Variants in OR5H14 observed in about 807,000 individuals in gnomAD.
The protein encoded by OR5H14 is olfactory receptor family 5 subfamily H member 14.
For missense variants in OR5H14, 392 were observed against 363.9 expected (o/e 1.08, Z -0.63); for synonymous variants, 155 against 130.6 (o/e 1.19, Z -1.28).
rs1708490782 is a variant in OR5H14, at chr3:98,150,499, T to A, written c.*181T>A. 2.3e-6 allele frequency: 1 copy of A among 437,086 alleles called. No homozygotes were observed. The highest frequency in any genetic ancestry group is 3.4e-5 in the East Asian group (1 of 29,402). The allele number at this position is 437,086 out of a possible 1,614,324, so 27.1% of individuals were successfully genotyped here. A position where few individuals can be genotyped will look rare whatever the true frequency, so the allele number is the denominator to read the frequency against. Reference sequence around the variant, plus strand: ...ATATTCCTATGTTATTCAAAAGGATTTGAGAAATTTTAATCAAGTCTTCAT... The same window carrying A: ...ATATTCCTATGTTATTCAAAAGGATATGAGAAATTTTAATCAAGTCTTCAT... On this transcript the variant is annotated 3_prime_UTR_variant, in exon 2 of 2. Coordinates refer to ENST00000641380, the MANE Select transcript of OR5H14 (RefSeq NM_001005514.2).
rs1198176015 is a variant in OR5H14 at position 98,150,324 on chromosome 3, T to C, written c.*6T>C. 6.7e-7 allele frequency: 1 copy of C among 1,499,184 alleles called. No homozygotes were observed. Among genetic ancestry groups the C allele is most frequent in the East Asian group, 2.3e-5 (1 of 43,640 alleles). The allele number at this position is 1,499,184 out of a possible 1,614,324, so 92.9% of individuals were successfully genotyped here. The stretch of plus-strand genomic sequence containing the variant: ...TCAAAAGAAATGATGTTTAGATCAT[T>C]ACTAATATCTCTTTTCTATTTACTA... On this transcript the variant is annotated 3_prime_UTR_variant, in exon 2 of 2. Transcript: ENST00000641380.
rs1366995684 is a variant in OR5H14, at chr3:98,150,714, G to C, written c.*396G>C. Reference sequence around the variant, plus strand: ...CACATTTATCTTCATAGTGAATGTTGATGTGTGTTTAGAGGAAGACAGGTA... The same window carrying C: ...CACATTTATCTTCATAGTGAATGTTCATGTGTGTTTAGAGGAAGACAGGTA... On this transcript the variant is annotated 3_prime_UTR_variant, in exon 2 of 2. Coordinates refer to ENST00000641380, the MANE Select transcript of OR5H14 (RefSeq NM_001005514.2). The C allele has an allele frequency of 6.5e-6, 1 of 154,360 alleles. No individual in the cohort carries two copies. The highest frequency in any genetic ancestry group is 1.4e-5 in the Non-Finnish European group (1 of 69,404). The allele number at this position is 154,360 out of a possible 1,614,324, so 9.6% of individuals were successfully genotyped here. A position where few individuals can be genotyped will look rare whatever the true frequency, so the allele number is the denominator to read the frequency against.
rs1708585011 is a variant in OR5H14 at position 98,155,996 on chromosome 3, T to C, written c.*5678T>C. 1 of 152,172 alleles carries C rather than the reference T, an allele frequency of 6.6e-6. No individual in the cohort carries two copies. Among genetic ancestry groups the C allele is most frequent in the South Asian group, 2.1e-4 (1 of 4,834 alleles). 9.4% of individuals were successfully genotyped at this position (152,172 alleles called of 1,614,324 possible). ...CAATGCCCAGTTGAAGATCTTCACTTTGTCCTACAGGAAAGCCTAAGATGC... is the reference window on the plus strand; with the variant it reads ...CAATGCCCAGTTGAAGATCTTCACTCTGTCCTACAGGAAAGCCTAAGATGC... On this transcript the variant is annotated 3_prime_UTR_variant, in exon 2 of 2. Transcript: ENST00000641380.
Position 98,149,422 on chromosome 3 carries a change from G to A in OR5H14, c.37G>A (p.Val13Ile), listed in dbSNP as rs1486039859. 3.7e-6 allele frequency: 6 copies of A among 1,613,228 alleles called. No homozygotes were observed. Among genetic ancestry groups the A allele is most frequent in the Non-Finnish European group, 5.1e-6 (6 of 1,179,394 alleles). The change falls in exon 2 of 2, where the codon GTT (valine) becomes ATT (isoleucine). Residue 13 changes from valine to isoleucine, a missense_variant. Val to Ile is a conservative substitution (Grantham distance 29). Coordinates refer to ENST00000641380, the MANE Select transcript of OR5H14 (RefSeq NM_001005514.2). ...EENATLLTEF[V>I]LTGFLYQPQW... is the part of the protein sequence containing the mutation. ...AAATGCAACATTGCTGACAGAGTTT[G>A]TTCTCACAGGATTTTTATATCAACC...
At chr3:98,147,774 A>T (rs537550891) in intron 1 of OR5H14, among the ~76,000 whole-genome samples, 2 of 152,130 alleles carry the variant, frequency 1.3e-5, no homozygotes, top group Non-Finnish European at 2.9e-5. Flanking sequence ...ATGATATTGT[A>T]TTATCTTGTT....
At position 98,149,851 on chromosome 3, in the gene OR5H14, G is replaced by C. The variant is rs766299489; in HGVS notation, c.466G>C (p.Ala156Pro). ...GTCATATGTAGGTGGTCTTCTTCAT[G>C]CTTTAATCCATGAAGGATTTTTATT... ...ILSYVGGLLH[A>P]LIHEGFLFRL... Residue 156 changes from alanine to proline, a missense_variant, in exon 2 of 2, where the codon GCT becomes CCT. Ala to Pro is a conservative substitution (Grantham distance 27, BLOSUM62 -1). Coordinates refer to ENST00000641380, the MANE Select transcript of OR5H14 (RefSeq NM_001005514.2). 9 of 1,613,038 alleles carry C rather than the reference G, an allele frequency of 5.6e-6. No homozygotes were observed. Among genetic ancestry groups the C allele is most frequent in the Non-Finnish European group, 7.6e-6 (9 of 1,179,728 alleles).
rs1195269425 is a variant in OR5H14 at position 98,155,558 on chromosome 3, AT to A, written c.*5246del. ...GCATTGCAAGATTGTCTTTGTTTTTATTTTTTCCTCCCCCTGATGTTTGCCT... is the reference window on the plus strand; with the variant it reads ...GCATTGCAAGATTGTCTTTGTTTTTATTTTTCCTCCCCCTGATGTTTGCCT... On this transcript the variant is annotated 3_prime_UTR_variant, in exon 2 of 2. Transcript: ENST00000641380. 6.6e-6 allele frequency: 1 copy of A among 151,948 alleles called. No homozygotes were observed. Among genetic ancestry groups the A allele is most frequent in the Non-Finnish European group, 1.5e-5 (1 of 67,964 alleles). 9.4% of individuals were successfully genotyped at this position (151,948 alleles called of 1,614,324 possible).
At chr3:98,148,320 C>T (rs1206310704) in intron 1 of OR5H14, among the ~76,000 whole-genome samples, 1 of 152,082 alleles carries the variant, frequency 6.6e-6, no homozygotes, top group Non-Finnish European at 1.5e-5. Flanking sequence ...TTCAATATAA[C>T]TTGCTCCAGT....
intron 1 of OR5H14, among the ~76,000 whole-genome samples, chr3:98,148,981 A>G (rs1381245724): frequency 6.6e-6 from 1 of 152,028 alleles, no homozygotes; most frequent in Non-Finnish European, 1.5e-5. Flanking sequence ...ATCTGAAAGT[A>G]TTTGGTGCAT....
At position 98,149,671 on chromosome 3, in the gene OR5H14, G is replaced by C. The variant is rs1308623322; in HGVS notation, c.286G>C (p.Glu96Gln). 2 of 1,613,398 alleles carry C rather than the reference G, an allele frequency of 1.2e-6. No individual in the cohort carries two copies. Among genetic ancestry groups the C allele is most frequent in the East Asian group, 2.2e-5 (1 of 44,866 alleles). Reference sequence around the variant, plus strand: ...TAAGAGTAAGATGATATCTCTCTCTGAATGCAAGATACAGTTGTTTTCGTT... The same window carrying C: ...TAAGAGTAAGATGATATCTCTCTCTCAATGCAAGATACAGTTGTTTTCGTT... The part of the protein sequence containing the change: ...LAKSKMISLS[E>Q]CKIQLFSFAI... Residue 96 changes from glutamate (E) to glutamine (Q), a missense_variant, in exon 2 of 2, where the codon GAA becomes CAA. Coordinates refer to ENST00000641380, the MANE Select transcript of OR5H14 (RefSeq NM_001005514.2).
Position 98,149,540 on chromosome 3 carries a change from A to T in OR5H14, c.155A>T (p.Asp52Val). 1.9e-6 allele frequency: 3 copies of T among 1,613,352 alleles called. No homozygotes were observed. The highest frequency in any genetic ancestry group is 2.5e-6 in the Non-Finnish European group (3 of 1,179,538). The change falls in exon 2 of 2, where the codon GAC (aspartate) becomes GTC (valine). Residue 52 changes from aspartate to valine, a missense_variant. By Grantham distance (152) the Asp-to-Val change is radical. Transcript: ENST00000641380. ...NLGLIAVIWK[D>V]PHLHIPMYLL... ...GGTCTGATTGCTGTCATCTGGAAAG[A>T]CCCTCATCTTCATATCCCAATGTAC...
intron 1 of OR5H14, chr3:98,148,107 T>C (rs1352445497): frequency 1.3e-5 from 2 of 151,894 alleles, no homozygotes; most frequent in Non-Finnish European, 1.5e-5. Context: ...TGTGTCTCCA[T>C]ATTCCAAATG....
At chr3:98,149,146 T>C (rs1270014328) in intron 1 of OR5H14, among the ~76,000 whole-genome samples, 3 of 152,048 alleles carry the variant, frequency 2.0e-5, no homozygotes, top group Non-Finnish European at 4.4e-5. Context: ...ACTGTGCCCA[T>C]AAATTTAGTA....
rs1708466558 is a variant in OR5H14, at chr3:98,149,416, G to T, written c.31G>T (p.Glu11Ter). ...AGAGGAAAATGCAACATTGCTGACAGAGTTTGTTCTCACAGGATTTTTATA... is the reference window on the plus strand; with the variant it reads ...AGAGGAAAATGCAACATTGCTGACATAGTTTGTTCTCACAGGATTTTTATA... MEEENATLLTEFVLTGFLYQP... is the reference protein window; with the variant it reads MEEENATLLT Residue 11 changes from glutamate (E) to a stop codon, truncating the protein, a stop_gained, in exon 2 of 2, where the codon GAG becomes TAG. Transcript: ENST00000641380. LOFTEE classifies it low-confidence loss of function (END_TRUNC). 2 of 1,613,078 alleles carry T rather than the reference G, an allele frequency of 1.2e-6. No individual in the cohort carries two copies. Among genetic ancestry groups the T allele is most frequent in the South Asian group, 2.2e-5 (2 of 91,058 alleles).
At position 98,149,921 on chromosome 3, in the gene OR5H14, G is replaced by A; in HGVS notation, c.536G>A (p.Cys179Tyr). 6.2e-7 allele frequency: 1 copy of A among 1,613,350 alleles called. No homozygotes were observed. The highest frequency in any genetic ancestry group is 8.5e-7 in the Non-Finnish European group (1 of 1,179,680). The change falls in exon 2 of 2, where the codon TGT becomes TAT. Residue 179 changes from cysteine to tyrosine, a missense_variant. Cys to Tyr is a radical substitution (Grantham distance 194). Transcript: ENST00000641380. ...TCCAACATAATACAACACTTTTACT[G>A]TGACATTATCCCATTGTTAAAGATT... is the stretch of plus-strand genomic sequence containing the variant. ...CNSNIIQHFY[C>Y]DIIPLLKISY...
rs774744870 is a variant in OR5H14 at position 98,149,893 on chromosome 3, A to C, written c.508A>C (p.Asn170His). Reference sequence around the variant, plus strand: ...ATTTTTATTCAGACTAACCTTCTGTAACTCCAACATAATACAACACTTTTA... The same window carrying C: ...ATTTTTATTCAGACTAACCTTCTGTCACTCCAACATAATACAACACTTTTA... ...EGFLFRLTFC[N>H]SNIIQHFYCD... The change falls in exon 2 of 2, where the codon AAC becomes CAC. Residue 170 changes from asparagine (N) to histidine (H), a missense_variant. By Grantham distance (68) the Asn-to-His change is moderately conservative (BLOSUM62 1). Transcript: ENST00000641380. 2.5e-6 allele frequency: 4 copies of C among 1,613,264 alleles called. No individual in the cohort carries two copies. Among genetic ancestry groups the C allele is most frequent in the Admixed American group, 1.7e-5 (1 of 59,958 alleles).
rs143969517 is a variant in OR5H14, at chr3:98,154,450, G to T, written c.*4132G>T. On this transcript the variant is annotated 3_prime_UTR_variant, in exon 2 of 2. Coordinates refer to ENST00000641380, the MANE Select transcript of OR5H14 (RefSeq NM_001005514.2). Reference sequence around the variant, plus strand: ...TCCACAGAAAATGTCTGGCACTTTTGTTTGGGACAAGGATATTTTTCCCTA... The same window carrying T: ...TCCACAGAAAATGTCTGGCACTTTTTTTTGGGACAAGGATATTTTTCCCTA... 1.3e-5 allele frequency: 2 copies of T among 152,346 alleles called. No homozygotes were observed. Among genetic ancestry groups the T allele is most frequent in the Admixed American group, 1.3e-4 (2 of 15,292 alleles). The allele number at this position is 152,346 out of a possible 1,614,324, so 9.4% of individuals were successfully genotyped here.
Position 98,154,483 on chromosome 3 carries a change from C to G in OR5H14, c.*4165C>G, listed in dbSNP as rs4130685. 0.62 allele frequency: 94,905 copies of G among 152,002 alleles called. 30,501 individuals are homozygous for G. Among genetic ancestry groups the G allele is most frequent in the African/African-American group, 0.82 (34,172 of 41,496 alleles). The allele number at this position is 152,002 out of a possible 1,614,324, so 9.4% of individuals were successfully genotyped here. On this transcript the variant is annotated 3_prime_UTR_variant, in exon 2 of 2. Transcript: ENST00000641380. ...CAAGGATATTTTTCCCTATTGCTCT[C>G]AGCCCAGATTTTGACCAAGGTGTAA...
At position 98,150,089 on chromosome 3, in the gene OR5H14, G is replaced by A. The variant is rs1708483427; in HGVS notation, c.704G>A (p.Arg235Lys). 1.9e-6 allele frequency: 3 copies of A among 1,610,470 alleles called. No homozygotes were observed. Among genetic ancestry groups the A allele is most frequent in the Admixed American group, 1.7e-5 (1 of 59,270 alleles). The change falls in exon 2 of 2, where the codon AGA becomes AAA. Residue 235 changes from arginine (R) to lysine (K), a missense_variant. Coordinates refer to ENST00000641380, the MANE Select transcript of OR5H14 (RefSeq NM_001005514.2). ...AAAAAGAAGTCTGTCAAAGGTATGA[G>A]AAAAGCCTTCTCCACCTGTGGAGCT... ...ILKKKSVKGM[R>K]KAFSTCGAHL...
Sources: allele counts gnomAD v4.1 joint callset (sites outside exome capture counted in the v4.1 genomes callset), GRCh38; gene constraint gnomAD v4.1.1; transcripts MANE v1.5; gene names NCBI Gene and HGNC (gene_info 2026-07-23, HGNC 2026-07-21).